The following KCNQ3 variants were observed in gnomAD, a reference collection of about 807,000 sequenced individuals.
KCNQ3 encodes the protein potassium voltage-gated channel subfamily Q member 3.
A neutral mutation model predicts 92.5 loss-of-function variants in KCNQ3; 30 were observed. The observed-to-expected ratio is 0.32, with a 90% confidence interval of 0.24 to 0.44. KCNQ3 has a LOEUF of 0.44. KCNQ3 is among the 20% of genes least tolerant of loss of function. KCNQ3 has a pLI of 1.00. For missense variants in KCNQ3, 913 were observed against 1,140.3 expected, an observed-to-expected ratio of 0.80 and a Z score of 2.87; for synonymous variants, 450 against 468.8, an observed-to-expected ratio of 0.96 and a Z score of 0.52.
chr8:132,249,110 A>G (rs1408067745), intron 1 of KCNQ3, among the ~76,000 whole-genome samples: 1 of 152,086 alleles, frequency 6.6e-6, no homozygotes, highest in Non-Finnish European at 1.5e-5. Flanking sequence ...TGAGTGTTAC[A>G]GTTACAGCTC....
intron 1 of KCNQ3, among the ~76,000 whole-genome samples, chr8:132,208,158 G>A (rs1216622434): frequency 6.6e-6 from 1 of 152,138 alleles, no homozygotes; most frequent in African/African-American, 2.4e-5. Flanking sequence ...ACCAAACCCT[G>A]TGTCAAGGTA....
At chr8:132,202,293 GT>G (rs1827488072) in intron 1 of KCNQ3, among the ~76,000 whole-genome samples, 1 of 152,098 alleles carries the variant, frequency 6.6e-6, no homozygotes, top group Non-Finnish European at 1.5e-5. Context: ...TTTTCCCATG[GT>G]TTTGATGAAT....
intron 1 of KCNQ3, among the ~76,000 whole-genome samples, chr8:132,359,629 T>C (rs1008729616): frequency 2.6e-5 from 4 of 152,152 alleles, no homozygotes; most frequent in South Asian, 4.1e-4. Context: ...CAGCTGTGGA[T>C]TGTGTGACAA....
intron 1 of KCNQ3, among the ~76,000 whole-genome samples, chr8:132,309,998 C>T (rs977610177): frequency 6.6e-6 from 1 of 152,332 alleles, no homozygotes; most frequent in Non-Finnish European, 1.5e-5. Context: ...AATCCAATTA[C>T]AGCATAAGAG....
At chr8:132,466,745 AG>A (rs1429401367) in intron 1 of KCNQ3, among the ~76,000 whole-genome samples, 3 of 152,142 alleles carry the variant, frequency 2.0e-5, no homozygotes, top group Non-Finnish European at 4.4e-5. Context: ...TCGTTCTGGG[AG>A]GATAGAGTGA....
intron 10 of KCNQ3, 58 bp from the exon 11 acceptor site, chr8:132,140,236 C>T (rs931213195): frequency 7.8e-6 from 10 of 1,280,680 alleles, no homozygotes; most frequent in Admixed American, 1.8e-5. Context: ...GGCTTGGGGA[C>T]CCCACTGTTC....
rs545260982 is a variant in KCNQ3 at position 132,451,190 on chromosome 8, T to G, written c.386+28957A>C. ...GATGTGACAATTTTATAAAGGGGAG[T>G]TCCCCTGCACATGCTGTCTTGCCTG... On this transcript the variant is annotated intron_variant, in intron 1 of 14. Coordinates refer to ENST00000388996, the MANE Select transcript of KCNQ3 (RefSeq NM_004519.4). Among the ~76,000 whole-genome samples the G allele has an allele frequency of 2.1e-4, 32 of 152,092 alleles. No individual in the cohort carries two copies. In the East Asian group the frequency reaches 3.3e-3, roughly 16 times the overall value.
chr8:132,198,923 A>G (rs937941931), intron 1 of KCNQ3, among the ~76,000 whole-genome samples: 2 of 152,168 alleles, frequency 1.3e-5, no homozygotes, highest in Non-Finnish European at 2.9e-5. Context: ...AACCTTTATA[A>G]CCAAAGGCAC....
chr8:132,136,323 T>C (rs1371777231), intron 12 of KCNQ3, among the ~76,000 whole-genome samples: 1 of 152,062 alleles, frequency 6.6e-6, no homozygotes, highest in Non-Finnish European at 1.5e-5. Context: ...ATCTCACACA[T>C]GTCAGAGAGT....
chr8:132,308,492 A>G (rs1448998172), intron 1 of KCNQ3, among the ~76,000 whole-genome samples: 1 of 152,190 alleles, frequency 6.6e-6, no homozygotes, highest in Non-Finnish European at 1.5e-5. Flanking sequence ...AAGAAGCCAT[A>G]TCAGTGGGAA....
chr8:132,354,079 G>C (rs1038233056), intron 1 of KCNQ3, among the ~76,000 whole-genome samples: 2 of 152,168 alleles, frequency 1.3e-5, no homozygotes, highest in East Asian at 3.9e-4. Context: ...CTTGAATAGC[G>C]AACCTTCTGT....
intron 1 of KCNQ3, among the ~76,000 whole-genome samples, chr8:132,390,128 G>C (rs554034944): frequency 1.3e-5 from 2 of 152,306 alleles, no homozygotes; most frequent in Non-Finnish European, 2.9e-5. Flanking sequence ...ACTCACAAAC[G>C]TAAGACTTAG....
At chr8:132,432,032 A>T (rs1169613419) in intron 1 of KCNQ3, among the ~76,000 whole-genome samples, 1 of 152,238 alleles carries the variant, frequency 6.6e-6, no homozygotes, top group Non-Finnish European at 1.5e-5. Flanking sequence ...GAGGGTTGTT[A>T]TGAGGGATCA....
At chr8:132,200,053 G>A (rs535927986) in intron 1 of KCNQ3, among the ~76,000 whole-genome samples, 2 of 151,996 alleles carry the variant, frequency 1.3e-5, no homozygotes, top group African/African-American at 4.8e-5. Context: ...CTTAATACTT[G>A]TAGGAACAAA....
At chr8:132,379,260 T>C (rs1320389103) in intron 1 of KCNQ3, among the ~76,000 whole-genome samples, 1 of 152,238 alleles carries the variant, frequency 6.6e-6, no homozygotes, top group Non-Finnish European at 1.5e-5. Context: ...GATTGTCTCA[T>C]TTTTAATCCT....
chr8:132,309,594 G>A (rs1372734067), intron 1 of KCNQ3, among the ~76,000 whole-genome samples: 3 of 152,142 alleles, frequency 2.0e-5, no homozygotes, highest in South Asian at 2.1e-4. Flanking sequence ...TCCCAGCATC[G>A]CTGACAAGCG....
Position 132,129,834 on chromosome 8 carries a change from T to C in KCNQ3, c.2047A>G (p.Ile683Val), listed in dbSNP as rs1162042366. The C allele has an allele frequency of 1.2e-6, 2 of 1,614,188 alleles. No individual in the cohort carries two copies. Among genetic ancestry groups the C allele is most frequent in the East Asian group, 2.2e-5 (1 of 44,866 alleles). Reference protein sequence around the residue: ...EDNRYSDLKTIICNYSETGPP... With the variant: ...EDNRYSDLKTVICNYSETGPP... ...CCTGTCTCAGAATAGTTGCAGATGA[T>C]GGTTTTCAAATCGGAATACCTGTTG... The change falls in exon 15 of 15, where the codon ATC becomes GTC. Residue 683 changes from isoleucine (I) to valine (V), a missense_variant. This residue lies in a region of KCNQ3 where 375 missense variants were observed against 376.4 expected (regional missense o/e 1.00). Transcript: ENST00000388996. The surrounding 1 kb of genome is among the most constrained non-coding windows in gnomAD (Gnocchi z 5.9).
chr8:132,227,067 T>A (rs1475213982), intron 1 of KCNQ3, among the ~76,000 whole-genome samples: 1 of 150,830 alleles, frequency 6.6e-6, no homozygotes, highest in Non-Finnish European at 1.5e-5. Flanking sequence ...ACTCTTTTTT[T>A]TTTTTTTTTT....
rs1306538830 is a variant in KCNQ3 at position 132,121,620 on chromosome 8, G to A, written c.*7642C>T. ...TGGGAAACCTTGATCTTTTAATACTGAGAAAGAGAGACACAACTGTTCTGA... is the reference window on the plus strand; with the variant it reads ...TGGGAAACCTTGATCTTTTAATACTAAGAAAGAGAGACACAACTGTTCTGA... On this transcript the variant is annotated 3_prime_UTR_variant, in exon 15 of 15. Coordinates refer to ENST00000388996, the MANE Select transcript of KCNQ3 (RefSeq NM_004519.4). 5.9e-5 allele frequency: 9 copies of A among 152,146 alleles called. No individual in the cohort carries two copies. The highest frequency in any genetic ancestry group is 1.3e-4 in the Non-Finnish European group (9 of 68,028). 9.4% of individuals were successfully genotyped at this position (152,146 alleles called of 1,614,324 possible).
Sources: allele counts gnomAD v4.1 joint callset (sites outside exome capture counted in the v4.1 genomes callset), GRCh38; gene constraint gnomAD v4.1.1; regional missense constraint gnomAD v4.1.1; non-coding constraint Gnocchi (gnomAD v3.1); transcripts MANE v1.5; gene names NCBI Gene and HGNC (gene_info 2026-07-23, HGNC 2026-07-21).